RBM42: variants seen among roughly 807,000 people sequenced by gnomAD.
The protein encoded by RBM42 is RNA binding motif protein 42.
Under a neutral mutation model 41.4 loss-of-function variants are expected in RBM42, and 21 were observed. The observed-to-expected ratio is 0.51, with a 90% CI of 0.36 to 0.73. RBM42 has a LOEUF of 0.73. Ranked by LOEUF, RBM42 falls within the 30% of genes least tolerant of loss-of-function variation. The pLI is 0.00. For synonymous variants in RBM42, 272 were observed against 271.2 expected, an observed-to-expected ratio of 1.00 and a Z score of -0.03; for missense variants, 539 against 680.4, an observed-to-expected ratio of 0.79 and a Z score of 2.31.
chr19:35,630,312 CAA>C (rs35545845), intron 2 of RBM42, among the ~76,000 whole-genome samples: 73 of 107,878 alleles, frequency 6.8e-4, no homozygotes, highest in South Asian at 7.8e-4. Flanking sequence ...GACTCCGTCT[CAA>C]AAAAAAAAAA....
intron 3 of RBM42, 41 bp downstream of exon 3, chr19:35,631,265 G>A (rs770253963): frequency 9.9e-6 from 16 of 1,611,960 alleles, no homozygotes; most frequent in Non-Finnish European, 5.9e-6. Flanking sequence ...GGGCAATCAG[G>A]CAGGGTGGTA....
At position 35,629,188 on chromosome 19, in the gene RBM42, G is replaced by A; in HGVS notation, c.35G>A (p.Gly12Asp). 1.3e-6 allele frequency: 2 copies of A among 1,533,992 alleles called. No homozygotes were observed. Among genetic ancestry groups the A allele is most frequent in the Non-Finnish European group, 8.7e-7 (1 of 1,143,638 alleles). The stretch of plus-strand genomic sequence containing the variant: ...GCGGGGCCAGCCCCGGGACTCCCGG[G>A]TGCAGGAGGACCCGTGGTCCCGGGT... The part of the protein sequence containing the change: ...AGAGPAPGLP[G>D]AGGPVVPGPG... The change falls in exon 1 of 10, where the codon GGT (glycine) becomes GAT (aspartate). Residue 12 changes from glycine (G) to aspartate (D), a missense_variant. Physicochemically the swap from Gly to Asp is moderately conservative, Grantham distance 94 (BLOSUM62 -1). Coordinates refer to ENST00000262633, the MANE Select transcript of RBM42 (RefSeq NM_024321.5).
rs527313230 is a variant in RBM42 at position 35,634,746 on chromosome 19, C to T, written c.1135+373C>T. Among the ~76,000 whole-genome samples, 50 of 151,192 alleles carry T rather than the reference C, an allele frequency of 3.3e-4. No homozygotes were observed. In the East Asian group the frequency reaches 9.0e-3, roughly 27 times the overall value. On this transcript the variant is annotated intron_variant, in intron 8 of 9. Transcript: ENST00000262633. Reference sequence around the variant, plus strand: ...CAATCTTGGCTCACTGCAGCCTCCGCCCCCCAGGTTCAAGTGATTCTCCTG... The same window carrying T: ...CAATCTTGGCTCACTGCAGCCTCCGTCCCCCAGGTTCAAGTGATTCTCCTG...
At position 35,629,553 on chromosome 19, in the gene RBM42, T is replaced by A. The variant is rs750456872; in HGVS notation, c.162T>A (p.Pro54=). ...FEQEVLGAPV[P]GIPTAVPAVP... Reference sequence around the variant, plus strand: ...AGGAAGTTCTGGGGGCTCCAGTACCTGGAATCCCAACTGCTGTGCCTGCGG... The same window carrying A: ...AGGAAGTTCTGGGGGCTCCAGTACCAGGAATCCCAACTGCTGTGCCTGCGG... Residue 54 remains proline (P), a synonymous_variant, in exon 2 of 10, where the codon CCT becomes CCA. Coordinates refer to ENST00000262633, the MANE Select transcript of RBM42 (RefSeq NM_024321.5). 6.2e-7 allele frequency: 1 copy of A among 1,614,206 alleles called. No homozygotes were observed.
rs761688027 is a variant in RBM42 at position 35,633,215 on chromosome 19, C to T, written c.647C>T (p.Pro216Leu). Residue 216 changes from proline (P) to leucine (L), a missense_variant, in exon 6 of 10, where the codon CCC (proline) becomes CTC (leucine). This residue lies in a region of RBM42 where 429 missense variants were observed against 488.9 expected (regional missense o/e 0.88). Transcript: ENST00000262633. ...MLPPMARAPG[P>L]PLGSMAALRP... ...CCACCAATGGCTCGGGCTCCAGGGC[C>T]CCCGCTGGGCTCCATGGCTGCACTG... The T allele has an allele frequency of 1.2e-6, 2 of 1,607,706 alleles. No individual in the cohort carries two copies. Among genetic ancestry groups the T allele is most frequent in the Non-Finnish European group, 1.7e-6 (2 of 1,176,788 alleles).
chr19:35,629,557 A>T lies in RBM42; in HGVS notation c.166A>T (p.Ile56Phe). The T allele has an allele frequency of 6.2e-7, 1 of 1,614,176 alleles. No individual in the cohort carries two copies. Among genetic ancestry groups the T allele is most frequent in the Non-Finnish European group, 8.5e-7 (1 of 1,180,020 alleles). The change falls in exon 2 of 10, where the codon ATC becomes TTC. Residue 56 changes from isoleucine (I) to phenylalanine (F), a missense_variant. Ile to Phe is a conservative substitution (Grantham distance 21, BLOSUM62 0). This residue lies in a region of RBM42 where 429 missense variants were observed against 488.9 expected (regional missense o/e 0.88). Transcript: ENST00000262633. ...QEVLGAPVPGIPTAVPAVPTV... is the reference protein window; with the variant it reads ...QEVLGAPVPGFPTAVPAVPTV... ...AGTTCTGGGGGCTCCAGTACCTGGAATCCCAACTGCTGTGCCTGCGGTGCC... is the reference window on the plus strand; with the variant it reads ...AGTTCTGGGGGCTCCAGTACCTGGATTCCCAACTGCTGTGCCTGCGGTGCC...
At chr19:35,634,548 C>T (rs1318568400) in intron 8 of RBM42, among the ~76,000 whole-genome samples, 175 bp downstream of exon 8, 3 of 151,882 alleles carry the variant, frequency 2.0e-5, no homozygotes, top group South Asian at 2.1e-4. Context: ...AGCCATGGGC[C>T]GGAGCTTGGT....
Position 35,633,683 on chromosome 19 carries a change from A to C in RBM42, c.685-4A>C. 1 of 1,443,768 alleles carries C rather than the reference A, an allele frequency of 6.9e-7. No individual in the cohort carries two copies. The highest frequency in any genetic ancestry group is 9.1e-7 in the Non-Finnish European group (1 of 1,101,146). 89.4% of individuals were successfully genotyped at this position (1,443,768 alleles called of 1,614,324 possible). On this transcript the variant is annotated splice_region_variant and splice_polypyrimidine_tract_variant and intron_variant, in intron 6 of 9. Transcript: ENST00000262633. ...CCCCCCTCATGCTCTCCTCTTACCC[A>C]CAGGAAGAGCCAGCAGCACCCCGAG...
Position 35,631,591 on chromosome 19 carries a change from T to C in RBM42, c.442+186T>C, listed in dbSNP as rs547972415. The C allele has an allele frequency of 1.1e-5, 7 of 616,008 alleles. 1 individual carries two copies. The highest frequency in any genetic ancestry group is 1.1e-4 in the African/African-American group (6 of 54,250). The allele number at this position is 616,008 out of a possible 1,614,324, so 38.2% of individuals were successfully genotyped here. A position where few individuals can be genotyped will look rare whatever the true frequency, so the allele number is the denominator to read the frequency against. On this transcript the variant is annotated intron_variant, in intron 4 of 9. Transcript: ENST00000262633. Reference sequence around the variant, plus strand: ...GTCAATTTTGTTTTAACCTGATCATTGCAAACCAACCCTCCTGCTGTCAGT... The same window carrying C: ...GTCAATTTTGTTTTAACCTGATCATCGCAAACCAACCCTCCTGCTGTCAGT...
chr19:35,629,855 A>G (rs1967374637), intron 2 of RBM42, among the ~76,000 whole-genome samples, 182 bp downstream of exon 2: 1 of 152,228 alleles, frequency 6.6e-6, no homozygotes, highest in African/African-American at 2.4e-5. Flanking sequence ...GTGGGAGCTT[A>G]TATTCTAGAA....
rs761295039 is a variant in RBM42 at position 35,629,282 on chromosome 19, G to C, written c.128+1G>C. The C allele has an allele frequency of 6.6e-7, 1 of 1,526,390 alleles. No individual in the cohort carries two copies. The highest frequency in any genetic ancestry group is 1.2e-5 in the South Asian group (1 of 83,610). 94.6% of individuals were successfully genotyped at this position (1,526,390 alleles called of 1,614,324 possible). On this transcript the variant is annotated splice_donor_variant, in intron 1 of 9. Coordinates refer to ENST00000262633, the MANE Select transcript of RBM42 (RefSeq NM_024321.5). LOFTEE classifies it high-confidence loss of function. ...AGGAAATGGAGGCGGAGATGGCCCT[G>C]TAAGGCCCGCGACAGAGAGTGATAA... is the stretch of plus-strand genomic sequence containing the variant.
Position 35,633,936 on chromosome 19 carries a change from C to T in RBM42, c.934C>T (p.Leu312=), listed in dbSNP as rs779937122. 3 of 1,578,362 alleles carry T rather than the reference C, an allele frequency of 1.9e-6. No homozygotes were observed. In the Admixed American group the frequency reaches 5.3e-5, roughly 28 times the overall value. ...LEVVRGLLPP[L]RIPELLSLRP... The stretch of plus-strand genomic sequence containing the variant: ...GGTCGTCCGCGGCCTCCTGCCCCCG[C>T]TGCGCATTCCTGAACTCCTGTCCCT... Residue 312 remains leucine (L), a synonymous_variant, in exon 7 of 10, where the codon CTG becomes TTG. Transcript: ENST00000262633.
Position 35,637,262 on chromosome 19 carries a change from C to T in RBM42, c.1240C>T (p.Arg414Cys). The T allele has an allele frequency of 2.5e-6, 4 of 1,614,200 alleles. No homozygotes were observed. Among genetic ancestry groups the T allele is most frequent in the South Asian group, 1.1e-5 (1 of 91,090 alleles). ...ATCCTTCCTTAAGGCCAAGGTGATCCGTGACAAGCGCACAGGCAAGACCAA... is the reference window on the plus strand; with the variant it reads ...ATCCTTCCTTAAGGCCAAGGTGATCTGTGACAAGCGCACAGGCAAGACCAA... ...FPSFLKAKVI[R>C]DKRTGKTKGY... The change falls in exon 9 of 10, where the codon CGT (arginine) becomes TGT (cysteine). Residue 414 changes from arginine to cysteine, a missense_variant. Coordinates refer to ENST00000262633, the MANE Select transcript of RBM42 (RefSeq NM_024321.5). This position sits in a 1 kb window ranked among gnomAD's most constrained non-coding sequence, Gnocchi z 7.0.
chr19:35,629,056 T>G lies in RBM42; in HGVS notation c.-98T>G. The G allele has an allele frequency of 2.1e-6, 3 of 1,438,882 alleles. No individual in the cohort carries two copies. The highest frequency in any genetic ancestry group is 2.7e-6 in the Non-Finnish European group (3 of 1,097,954). 89.1% of individuals were successfully genotyped at this position (1,438,882 alleles called of 1,614,324 possible). A position where few individuals can be genotyped will look rare whatever the true frequency, so the allele number is the denominator to read the frequency against. On this transcript the variant is annotated 5_prime_UTR_variant, in exon 1 of 10. Transcript: ENST00000262633. ...CCGTCGCTTTTGCTGGACGTCATCC[T>G]CGGGAGCCCACCCGGACGAAGGGGG...
chr19:35,635,522 T>C (rs115468442), intron 8 of RBM42, among the ~76,000 whole-genome samples: 38,796 of 116,458 alleles, frequency 0.33, 5,823 homozygotes, highest in South Asian at 0.47. Context: ...TTTTTTTTTT[T>C]CTTTTTTTTT....
intron 7 of RBM42, 116 bp downstream of exon 7, chr19:35,634,135 CAT>C: frequency 1.3e-6 from 2 of 1,535,914 alleles, no homozygotes; most frequent in South Asian, 1.3e-5. Context: ...GAGGCGGACA[CAT>C]GTGCCCCACA....
At chr19:35,636,226 T>G (rs1182803525) in intron 8 of RBM42, among the ~76,000 whole-genome samples, 1 of 151,754 alleles carries the variant, frequency 6.6e-6, no homozygotes, top group Non-Finnish European at 1.5e-5. Context: ...TGGTGTAATC[T>G]TGGCTCACTG....
intron 8 of RBM42, among the ~76,000 whole-genome samples, chr19:35,636,168 CTTTT>C (rs1311588710): frequency 8.4e-6 from 1 of 119,696 alleles, no homozygotes; most frequent in Non-Finnish European, 1.8e-5. Flanking sequence ...TTTTTTTTTT[CTTTT>C]TTTTGAGACA....
intron 8 of RBM42, among the ~76,000 whole-genome samples, chr19:35,636,100 C>G (rs1967493099): frequency 6.6e-6 from 1 of 151,936 alleles, no homozygotes; most frequent in Admixed American, 6.5e-5. Context: ...AAGACCCTAG[C>G]TCTGTGACCT....
Sources: gnomAD v4.1 joint callset for allele counts (sites outside exome capture counted in the v4.1 genomes callset) on GRCh38, gnomAD v4.1.1 for gene constraint, gnomAD v4.1.1 regional missense constraint, Gnocchi (gnomAD v3.1) non-coding constraint, MANE v1.5 for transcripts, NCBI Gene and HGNC (gene_info 2026-07-23, HGNC 2026-07-21) for gene names.